Variants in KSR1 observed in about 807,000 individuals in gnomAD.
KSR1 encodes kinase suppressor of ras 1, also known as kinase suppressor of ras.
A neutral mutation model predicts 92.9 loss-of-function variants in KSR1; 35 were observed. The ratio of observed to expected loss-of-function variants is 0.38; its 90% CI spans 0.29 to 0.50. KSR1 has a LOEUF of 0.50. Among genes scored for constraint, KSR1 ranks in the 20% least tolerant of loss-of-function variants. The pLI is 0.94. For missense variants in KSR1, 972 were observed against 1,158.5 expected (o/e 0.84, Z 2.34); for synonymous variants, 467 against 472.6 (o/e 0.99, Z 0.15).
At chr17:27,518,544 GC>G (rs943999037) in intron 1 of KSR1, among the ~76,000 whole-genome samples, 1 of 152,120 alleles carries the variant, frequency 6.6e-6, no homozygotes, top group African/African-American at 2.4e-5. Context: ...TCATCTGAGT[GC>G]CCCCTCTCTA....
At chr17:27,592,125 C>T (rs2073186490) in intron 7 of KSR1, among the ~76,000 whole-genome samples, 1 of 152,192 alleles carries the variant, frequency 6.6e-6, no homozygotes, top group Non-Finnish European at 1.5e-5. Context: ...ATGAGACCTG[C>T]TTTGCTGTGA....
intron 18 of KSR1, among the ~76,000 whole-genome samples, chr17:27,615,862 C>T (rs1158635204): frequency 6.6e-6 from 1 of 152,182 alleles, no homozygotes; most frequent in East Asian, 1.9e-4. Flanking sequence ...ATTATTTCAT[C>T]CTCATATCAG....
chr17:27,476,198 T>C (rs2068338779), intron 1 of KSR1, among the ~76,000 whole-genome samples: 1 of 152,154 alleles, frequency 6.6e-6, no homozygotes, highest in Admixed American at 6.5e-5. Flanking sequence ...CCCCCACCCC[T>C]TCTCAGCGCT....
intron 8 of KSR1, 22 bp downstream of exon 8, chr17:27,592,444 C>T: frequency 1.2e-6 from 2 of 1,613,592 alleles, no homozygotes; most frequent in South Asian, 1.1e-5. Context: ...GCCTTCCTCT[C>T]CTCTGCCTTC....
intron 4 of KSR1, among the ~76,000 whole-genome samples, chr17:27,583,794 A>G (rs1367121315): frequency 2.6e-5 from 4 of 152,210 alleles, no homozygotes; most frequent in Admixed American, 2.0e-4. Flanking sequence ...TTGACTTACA[A>G]ATTTTTCTAT....
rs764316477 is a variant in KSR1 at position 27,582,960 on chromosome 17, C to A, written c.835C>A (p.Arg279=). Residue 279 remains arginine (R), a synonymous_variant, in exon 4 of 21, where the codon CGG becomes AGG. Transcript: ENST00000644974. ...ITPPTTPQLR[R]HTKLKPPRTP... ...CCCGCCCACCACACCCCAGCTGCGA[C>A]GGCACACCAAGCTGAAGCCACCACG... The A allele has an allele frequency of 2.4e-5, 38 of 1,607,464 alleles. No homozygotes were observed. The East Asian group carries it at 8.1e-4, about 34-fold the overall frequency.
At chr17:27,572,342 G>T (rs2072342765) in intron 2 of KSR1, among the ~76,000 whole-genome samples, 1 of 152,170 alleles carries the variant, frequency 6.6e-6, no homozygotes, top group African/African-American at 2.4e-5. Context: ...CTGGGACTGG[G>T]CATCTCTCAA....
At position 27,604,725 on chromosome 17, in the gene KSR1, G is replaced by A. The variant is rs1287417194; in HGVS notation, c.1611G>A (p.Ala537=). 6 of 1,613,898 alleles carry A rather than the reference G, an allele frequency of 3.7e-6. No homozygotes were observed. Among genetic ancestry groups the A allele is most frequent in the East Asian group, 2.2e-5 (1 of 44,902 alleles). Residue 537 remains alanine (A), a synonymous_variant, in exon 13 of 21, where the codon GCG becomes GCA. Transcript: ENST00000644974. Reference sequence around the variant, plus strand: ...CAGATGTGTTGGAAGCTCACGAAGCGGAGGTGAGGGTGACACACACGTGTC... The same window carrying A: ...CAGATGTGTTGGAAGCTCACGAAGCAGAGGTGAGGGTGACACACACGTGTC... ...PKADVLEAHE[A]EAEEPEAGKS...
rs561657927 is a variant in KSR1 at position 27,587,986 on chromosome 17, C to T, written c.986-489C>T. 3.3e-5 allele frequency among the ~76,000 whole-genome samples: 5 copies of T among 152,338 alleles called. No homozygotes were observed. In the East Asian group the frequency reaches 9.6e-4, roughly 29 times the overall value. On this transcript the variant is annotated intron_variant, in intron 5 of 20. Transcript: ENST00000644974. ...GTGGCCTCTCCCAGAGGAATATCCT[C>T]CAGGGGCTTCTGCCTGGAAAGGCAC...
chr17:27,476,960 A>T (rs554872041), intron 1 of KSR1, among the ~76,000 whole-genome samples: 17 of 152,366 alleles, frequency 1.1e-4, no homozygotes, highest in African/African-American at 3.8e-4. Context: ...GATGCTCCAC[A>T]GACAGAGCAG....
intron 1 of KSR1, among the ~76,000 whole-genome samples, chr17:27,501,225 A>C (rs1309792887): frequency 7.8e-6 from 1 of 127,622 alleles, no homozygotes; most frequent in African/African-American, 3.0e-5. Context: ...GACCAAGGCT[A>C]TATATTAGGT....
rs1279566081 is a variant in KSR1 at position 27,605,497 on chromosome 17, C to T, written c.1678C>T (p.Pro560Ser). Residue 560 changes from proline to serine, a missense_variant, in exon 14 of 21, where the codon CCG (proline) becomes TCG (serine). Physicochemically the swap from Pro to Ser is moderately conservative, Grantham distance 74. This residue lies in a region of KSR1 where 611 missense variants were observed against 668.0 expected (regional missense o/e 0.91). Coordinates refer to ENST00000644974, the MANE Select transcript of KSR1 (RefSeq NM_001394583.1). Reference sequence around the variant, plus strand: ...CGATGAGGACGAGGTGGACGACTTGCCGAGCTCTCGCCGGCCCTGGCGGGG... The same window carrying T: ...CGATGAGGACGAGGTGGACGACTTGTCGAGCTCTCGCCGGCCCTGGCGGGG... ...EDDEDEVDDL[P>S]SSRRPWRGPI... The T allele has an allele frequency of 6.2e-7, 1 of 1,605,788 alleles. No homozygotes were observed.
Position 27,621,177 on chromosome 17 carries a change from C to A in KSR1, c.2628-16C>A. On this transcript the variant is annotated splice_polypyrimidine_tract_variant and intron_variant, in intron 19 of 20. Transcript: ENST00000644974. ...CTCTTCCCACGCCTGGTGGAATGGT[C>A]GCTGGGCACTCCCAGTCGCTGGAGG... 5.0e-6 allele frequency: 2 copies of A among 398,620 alleles called. No individual in the cohort carries two copies. The highest frequency in any genetic ancestry group is 1.3e-4 in the South Asian group (1 of 7,842). 24.7% of individuals were successfully genotyped at this position (398,620 alleles called of 1,614,324 possible).
intron 1 of KSR1, chr17:27,526,567 T>C (rs904594191): frequency 6.3e-7 from 1 of 1,598,718 alleles, no homozygotes. Context: ...ATGCACCTCA[T>C]TCATTTGTAT....
chr17:27,588,291 A>C, intron 5 of KSR1, 184 bp from the exon 6 acceptor site: 1 of 434,126 alleles, frequency 2.3e-6, no homozygotes, highest in Non-Finnish European at 4.1e-6. Flanking sequence ...GGCGAGGGGA[A>C]CCACACCATG....
intron 1 of KSR1, among the ~76,000 whole-genome samples, chr17:27,458,979 T>C (rs1388669915): frequency 6.6e-6 from 1 of 152,204 alleles, no homozygotes; most frequent in Admixed American, 6.5e-5. Flanking sequence ...GTGATTGTTT[T>C]TATACTACCC....
At chr17:27,540,018 A>G (rs2070898970) in intron 1 of KSR1, among the ~76,000 whole-genome samples, 1 of 152,074 alleles carries the variant, frequency 6.6e-6, no homozygotes, top group South Asian at 2.1e-4. Flanking sequence ...TTGGCCATTC[A>G]CTCTGGCCCA....
intron 1 of KSR1, among the ~76,000 whole-genome samples, chr17:27,480,941 G>C (rs2068492276): frequency 1.3e-5 from 2 of 152,148 alleles, no homozygotes; most frequent in African/African-American, 4.8e-5. Flanking sequence ...TGCAGGGTGT[G>C]TTCCAGGCCT....
At chr17:27,595,184 C>T (rs1231772975) in intron 9 of KSR1, among the ~76,000 whole-genome samples, 2 of 152,246 alleles carry the variant, frequency 1.3e-5, no homozygotes, top group African/African-American at 2.4e-5. Flanking sequence ...AATAATTCCT[C>T]TCCCACCCCC....
Sources: gnomAD v4.1 joint callset for allele counts (sites outside exome capture counted in the v4.1 genomes callset) on GRCh38, gnomAD v4.1.1 for gene constraint, gnomAD v4.1.1 regional missense constraint, MANE v1.5 for transcripts, NCBI Gene and HGNC (gene_info 2026-07-23, HGNC 2026-07-21) for gene names.